The following GPR89A variants were observed in gnomAD, a reference collection of about 807,000 sequenced individuals.
GPR89A encodes the protein G protein-coupled receptor 89A.
A neutral mutation model predicts 52.0 loss-of-function variants in GPR89A; 16 were observed. The observed-to-expected ratio is 0.31, with a 90% CI of 0.21 to 0.47. The LOEUF (loss-of-function observed/expected upper bound fraction) is 0.47. Among genes scored for constraint, GPR89A ranks in the 20% least tolerant of loss-of-function variants. GPR89A has a pLI of 1.00. For missense variants in GPR89A, 135 were observed against 449.4 expected (o/e 0.30, Z 6.33); for synonymous variants, 55 against 150.9 (o/e 0.36, Z 4.66).
intron 11 of GPR89A, 58 bp downstream of exon 11, chr1:145,663,482 A>G (rs1652350724): frequency 1.2e-6 from 2 of 1,603,914 alleles, no homozygotes; most frequent in East Asian, 2.2e-5. Flanking sequence ...ACTATAACTT[A>G]CCATTGTTAA....
chr1:145,633,924 G>T (rs1476651163), intron 7 of GPR89A, among the ~76,000 whole-genome samples: 2 of 150,754 alleles, frequency 1.3e-5, no homozygotes, highest in African/African-American at 4.9e-5. Context: ...AATACTTAGG[G>T]ATAAATTTGA....
At chr1:145,634,077 T>TTG (rs1388250034) in intron 7 of GPR89A, among the ~76,000 whole-genome samples, 7 of 21,108 alleles carry the variant, frequency 3.3e-4, no homozygotes, top group East Asian at 1.4e-3. Flanking sequence ...ATATTGTCTA[T>TTG]TGTGTTTTTT....
Position 145,623,646 on chromosome 1 carries a change from TA to T in GPR89A, c.348del (p.Leu116PhefsTer3). ...CAACGACTGCTTTTTTCCTGTCTCT[TA>T]TGGCTGACCTTTATGTATTTCTTCT... ...HKQRLLFSCL[L>X]WLTFMYFFWK... is the part of the protein sequence containing the mutation. On this transcript the variant is annotated frameshift_variant, in exon 5 of 14. Coordinates refer to ENST00000313835, the MANE Select transcript of GPR89A (RefSeq NM_001097612.2). LOFTEE classifies it high-confidence loss of function. The T allele has an allele frequency of 6.4e-7, 1 of 1,573,462 alleles. No homozygotes were observed. Among genetic ancestry groups the T allele is most frequent in the East Asian group, 2.2e-5 (1 of 44,542 alleles).
chr1:145,612,128 C>T (rs1242857759), intron 1 of GPR89A: 11 of 152,054 alleles, frequency 7.2e-5, no homozygotes, highest in African/African-American at 2.4e-4. Context: ...TTGTTTCATT[C>T]CCCTCAAAGT....
intron 11 of GPR89A, among the ~76,000 whole-genome samples, chr1:145,664,316 A>G (rs1553696103): frequency 6.6e-6 from 1 of 151,870 alleles, no homozygotes; most frequent in Non-Finnish European, 1.5e-5. Context: ...GTGTGAAGGA[A>G]CATGATATCT....
At chr1:145,660,983 G>A (rs1368661520) in intron 10 of GPR89A, among the ~76,000 whole-genome samples, 1 of 152,066 alleles carries the variant, frequency 6.6e-6, no homozygotes, top group Non-Finnish European at 1.5e-5. Context: ...TATAAATCAT[G>A]CTGCTATAAA....
In GPR89A at chr1:145,623,175, C is replaced by G; in HGVS notation, c.313+15C>G. On this transcript the variant is annotated intron_variant, in intron 4 of 13. Coordinates refer to ENST00000313835, the MANE Select transcript of GPR89A (RefSeq NM_001097612.2). ...TATCCGACTACGTAAGTATTTTACC[C>G]TCTCAGTCAGCATATAGATTGAGAT... is the stretch of plus-strand genomic sequence containing the variant. 1 of 1,613,068 alleles carries G rather than the reference C, an allele frequency of 6.2e-7. No homozygotes were observed. Among genetic ancestry groups the G allele is most frequent in the Non-Finnish European group, 8.5e-7 (1 of 1,179,278 alleles).
intron 10 of GPR89A, among the ~76,000 whole-genome samples, chr1:145,661,912 T>A (rs1270411195): frequency 6.6e-6 from 1 of 151,592 alleles, no homozygotes; most frequent in African/African-American, 2.4e-5. Flanking sequence ...GATTTAGAAG[T>A]GTGTTATAAA....
At chr1:145,647,148 C>G (rs1553692709) in intron 9 of GPR89A, 27 bp from the exon 10 acceptor site, 2 of 1,543,272 alleles carry the variant, frequency 1.3e-6, no homozygotes, top group East Asian at 4.8e-5. Context: ...TTGCTGAAAA[C>G]TATGTTTTGT....
intron 5 of GPR89A, among the ~76,000 whole-genome samples, chr1:145,624,974 G>C (rs1242622974): frequency 1.3e-5 from 2 of 148,558 alleles, no homozygotes; most frequent in African/African-American, 5.0e-5. Context: ...GCTGGAAAAG[G>C]ATATTGGAAT....
intron 7 of GPR89A, among the ~76,000 whole-genome samples, chr1:145,633,060 A>G (rs1401607264): frequency 3.5e-5 from 5 of 143,442 alleles, no homozygotes; most frequent in Non-Finnish European, 6.0e-5. Context: ...AGAAATGTCT[A>G]TTCAGGTTCC....
At chr1:145,617,260 CAAG>C (rs1383196443) in intron 2 of GPR89A, among the ~76,000 whole-genome samples, 10 of 152,182 alleles carry the variant, frequency 6.6e-5, no homozygotes, top group Middle Eastern at 3.2e-3. Context: ...TCGCTTTCTG[CAAG>C]AAGAAGAGTA....
At chr1:145,654,295 G>C (rs1339751254) in intron 10 of GPR89A, among the ~76,000 whole-genome samples, 1 of 152,014 alleles carries the variant, frequency 6.6e-6, no homozygotes, top group African/African-American at 2.4e-5. Context: ...GGCTCATGCC[G>C]GTAATCCCAG....
chr1:145,662,171 ATT>A (rs1207880295), intron 10 of GPR89A, among the ~76,000 whole-genome samples: 1 of 152,096 alleles, frequency 6.6e-6, no homozygotes, highest in African/African-American at 2.4e-5. Context: ...TTTCTGACTA[ATT>A]TTATCAGTTA....
chr1:145,654,430 G>A (rs112326007), intron 10 of GPR89A, among the ~76,000 whole-genome samples: 2 of 151,732 alleles, frequency 1.3e-5, no homozygotes, highest in African/African-American at 4.8e-5. Flanking sequence ...GCAGGCGCCT[G>A]TAGTCCTAGC....
intron 1 of GPR89A, among the ~76,000 whole-genome samples, chr1:145,615,768 G>A (rs1648638366): frequency 6.6e-6 from 1 of 150,782 alleles, no homozygotes; most frequent in South Asian, 2.1e-4. Flanking sequence ...TGGGAATACA[G>A]GTGCCCACAC....
At chr1:145,635,908 G>A (rs587620835) in intron 7 of GPR89A, among the ~76,000 whole-genome samples, 79 of 151,788 alleles carry the variant, frequency 5.2e-4, no homozygotes, top group East Asian at 4.7e-3. Context: ...GCAGTGAGCC[G>A]AGATTACACC....
intron 9 of GPR89A, 138 bp downstream of exon 9, chr1:145,646,410 A>C: frequency 1.6e-6 from 1 of 644,020 alleles, no homozygotes; most frequent in Non-Finnish European, 2.6e-6. Context: ...AGCATTAGGG[A>C]TAAGGGATCT....
intron 10 of GPR89A, among the ~76,000 whole-genome samples, chr1:145,662,619 G>T (rs1652277967): frequency 1.3e-5 from 2 of 152,000 alleles, no homozygotes; most frequent in South Asian, 4.2e-4. Flanking sequence ...CCTAACCACT[G>T]CCTGCCTTTG....
Sources: allele counts gnomAD v4.1 joint callset (sites outside exome capture counted in the v4.1 genomes callset), GRCh38; gene constraint gnomAD v4.1.1; transcripts MANE v1.5; gene names NCBI Gene and HGNC (gene_info 2026-07-23, HGNC 2026-07-21).